ANKRD12: variants seen among roughly 807,000 people sequenced by gnomAD.
ANKRD12 encodes ankyrin repeat domain-containing protein 12.
Under a neutral mutation model 183.4 loss-of-function variants are expected in ANKRD12, and 85 were observed. The observed-to-expected ratio is 0.46, with a 90% CI of 0.39 to 0.56. The LOEUF is 0.56. Among genes scored for constraint, ANKRD12 ranks in the 20% least tolerant of loss-of-function variants. The pLI, the probability that ANKRD12 is intolerant of heterozygous loss-of-function variation, is 0.00. For missense variants in ANKRD12, 2,405 were observed against 2,357.1 expected (o/e 1.02, Z -0.42); for synonymous variants, 914 against 800.2 (o/e 1.14, Z -2.40).
chr18:9,228,249 C>A (rs1219726894), intron 8 of ANKRD12, among the ~76,000 whole-genome samples: 2 of 152,128 alleles, frequency 1.3e-5, no homozygotes, highest in Non-Finnish European at 2.9e-5. Flanking sequence ...TAGGTTGATT[C>A]CATATCTTTG....
chr18:9,205,225 TGTTCTCTA>T (rs1249685555), intron 4 of ANKRD12, among the ~76,000 whole-genome samples: 117 of 151,136 alleles, frequency 7.7e-4, no homozygotes, highest in Non-Finnish European at 8.7e-4. Flanking sequence ...AGAGTAAATG[TGTTCTCTA>T]GTATGTGACA....
At chr18:9,188,518 A>G (rs1038618991) in intron 2 of ANKRD12, among the ~76,000 whole-genome samples, 1 of 152,210 alleles carries the variant, frequency 6.6e-6, no homozygotes. Context: ...CTGTAATGGC[A>G]CCACCTACAG....
intron 1 of ANKRD12, among the ~76,000 whole-genome samples, chr18:9,171,702 A>G (rs1156351179): frequency 6.6e-6 from 1 of 152,174 alleles, no homozygotes; most frequent in Non-Finnish European, 1.5e-5. Flanking sequence ...TTGGCTGGAT[A>G]TGAAATTCTG....
intron 3 of ANKRD12, among the ~76,000 whole-genome samples, chr18:9,198,106 A>C (rs1054751176): frequency 6.6e-6 from 1 of 152,196 alleles, no homozygotes; most frequent in South Asian, 2.1e-4. Context: ...ATCAGACTTC[A>C]TATCTGACAT....
At chr18:9,217,337 G>A (rs1374715727) in intron 7 of ANKRD12, among the ~76,000 whole-genome samples, 1 of 152,094 alleles carries the variant, frequency 6.6e-6, no homozygotes, top group African/African-American at 2.4e-5. Context: ...ATCTTGAACA[G>A]GTTACTTCCC....
intron 1 of ANKRD12, among the ~76,000 whole-genome samples, chr18:9,149,806 T>TA: frequency 6.7e-6 from 1 of 148,728 alleles, no homozygotes; most frequent in South Asian, 2.1e-4. Context: ...TTATTTTTTT[T>TA]TTTTTTTGAG....
intron 10 of ANKRD12, among the ~76,000 whole-genome samples, chr18:9,272,920 A>C (rs1282032664): frequency 6.6e-6 from 1 of 152,086 alleles, no homozygotes; most frequent in Non-Finnish European, 1.5e-5. Flanking sequence ...GGAGAAGACC[A>C]AAGTTCCTGG....
chr18:9,197,627 A>G (rs375377430), intron 3 of ANKRD12, among the ~76,000 whole-genome samples: 5 of 152,252 alleles, frequency 3.3e-5, no homozygotes, highest in East Asian at 1.9e-4. Context: ...GACGTGTTAT[A>G]TTATTATATA....
intron 1 of ANKRD12, among the ~76,000 whole-genome samples, chr18:9,158,600 C>G (rs963867886): frequency 6.6e-6 from 1 of 152,210 alleles, no homozygotes; most frequent in African/African-American, 2.4e-5. Context: ...AGGGTACATA[C>G]TATCAACATG....
At chr18:9,151,216 AT>A (rs2078675607) in intron 1 of ANKRD12, among the ~76,000 whole-genome samples, 1 of 152,118 alleles carries the variant, frequency 6.6e-6, no homozygotes. Flanking sequence ...TTTTTCCAGT[AT>A]TTTTTTCAAA....
chr18:9,243,219 G>A (rs1281821893), intron 8 of ANKRD12, among the ~76,000 whole-genome samples: 1 of 152,146 alleles, frequency 6.6e-6, no homozygotes, highest in East Asian at 1.9e-4. Flanking sequence ...TAACAAAGGA[G>A]CCACTCAATA....
rs199599839 is a variant in ANKRD12 at position 9,262,784 on chromosome 18, TCC to T, written c.5665-1004_5665-1003del. ...AGAGCCACCATGCCCAGCCAAGATG[TCC>T]CTTTTTTTTTTTTTTTTTTTTTTTT... On this transcript the variant is annotated intron_variant, in intron 9 of 12. Coordinates refer to ENST00000262126, the MANE Select transcript of ANKRD12 (RefSeq NM_015208.5). Among the ~76,000 whole-genome samples, 7 of 83,868 alleles carry T rather than the reference TCC, an allele frequency of 8.3e-5. 1 individual carries two copies. The highest frequency in any genetic ancestry group is 1.5e-4 in the Non-Finnish European group (6 of 40,546). The allele number at this position is 83,868 out of a possible 152,430, so 55.0% of individuals were successfully genotyped here.
At chr18:9,183,003 A>G (rs1453949432) in intron 2 of ANKRD12, among the ~76,000 whole-genome samples, 1 of 152,158 alleles carries the variant, frequency 6.6e-6, no homozygotes, top group Non-Finnish European at 1.5e-5. Flanking sequence ...TCTTACGGAA[A>G]GATGTCTGAG....
chr18:9,181,682 A>G (rs932802599), intron 1 of ANKRD12, among the ~76,000 whole-genome samples: 2 of 152,228 alleles, frequency 1.3e-5, no homozygotes, highest in East Asian at 3.8e-4. Context: ...GTGTAGCCTC[A>G]TAGGTTCCTC....
At chr18:9,179,204 A>G (rs887487477) in intron 1 of ANKRD12, among the ~76,000 whole-genome samples, 2 of 152,152 alleles carry the variant, frequency 1.3e-5, no homozygotes, top group African/African-American at 2.4e-5. Context: ...ATAGATTATC[A>G]TGGTATCTGG....
intron 8 of ANKRD12, among the ~76,000 whole-genome samples, chr18:9,239,971 G>A (rs1245239079): frequency 1.3e-5 from 2 of 152,160 alleles, no homozygotes; most frequent in Non-Finnish European, 2.9e-5. Context: ...CAGCCCTCAA[G>A]ATAAGGAGCT....
intron 4 of ANKRD12, among the ~76,000 whole-genome samples, chr18:9,205,950 A>T (rs1021916979): frequency 8.5e-5 from 13 of 152,192 alleles, no homozygotes; most frequent in Admixed American, 3.9e-4. Context: ...CTTAATAAGT[A>T]CTTAACACTT....
chr18:9,191,137 G>A (rs1336236345), intron 2 of ANKRD12, among the ~76,000 whole-genome samples: 1 of 152,134 alleles, frequency 6.6e-6, no homozygotes, highest in Non-Finnish European at 1.5e-5. Context: ...TACGTGTGAT[G>A]GCTGTTGCCA....
rs140318343 is a variant in ANKRD12 at position 9,144,883 on chromosome 18, G to A, written c.-52+7918G>A. ...ATATTAATTATGTATGTATTTGTAT[G>A]TATGTAATACATACATTATGTAATA... On this transcript the variant is annotated intron_variant, in intron 1 of 12. Coordinates refer to ENST00000262126, the MANE Select transcript of ANKRD12 (RefSeq NM_015208.5). Among the ~76,000 whole-genome samples, 364 of 151,816 alleles carry A rather than the reference G, an allele frequency of 2.4e-3. 10 individuals are homozygous for A. Among genetic ancestry groups the A allele is most frequent in the Admixed American group, 0.022 (339 of 15,238 alleles).
Sources: gnomAD v4.1 joint callset for allele counts (sites outside exome capture counted in the v4.1 genomes callset) on GRCh38, gnomAD v4.1.1 for gene constraint, MANE v1.5 for transcripts, NCBI Gene and HGNC (gene_info 2026-07-23, HGNC 2026-07-21) for gene names.